The following SPICE1 variants were observed in gnomAD, a reference collection of about 807,000 sequenced individuals.
The protein encoded by SPICE1 is spindle and centriole associated protein 1.
Under a neutral mutation model 102.7 loss-of-function variants are expected in SPICE1, and 75 were observed. The ratio of observed to expected loss-of-function variants is 0.73; its 90% CI spans 0.61 to 0.88. SPICE1 has a LOEUF of 0.88. Among genes scored for constraint, SPICE1 ranks in the 40% least tolerant of loss-of-function variants. The probability of loss-of-function intolerance (pLI) is 0.00; values close to 1 mark genes in which losing one functional copy is unlikely to be tolerated. For missense variants in SPICE1, 979 were observed against 1,020.1 expected, an observed-to-expected ratio of 0.96 and a Z score of 0.55; for synonymous variants, 308 against 350.3, an observed-to-expected ratio of 0.88 and a Z score of 1.35.
Position 113,465,749 on chromosome 3 carries a change from C to T in SPICE1, c.1191G>A (p.Arg397=). The change falls in exon 11 of 18, where the codon AGG becomes AGA. Residue 397 remains arginine (R), a synonymous_variant. Transcript: ENST00000295872. The stretch of plus-strand genomic sequence containing the variant: ...CACCTAATACTTGTTCCAGTTGTTG[C>T]CTTGTCTCTACTTCTTTACGTAGCT... ...EIQLRKEVET[R]QQLEQVLGDH... 1 of 1,613,766 alleles carries T rather than the reference C, an allele frequency of 6.2e-7. No homozygotes were observed. Among genetic ancestry groups the T allele is most frequent in the East Asian group, 2.2e-5 (1 of 44,834 alleles).
chr3:113,454,800 T>C (rs1383787875), intron 13 of SPICE1, among the ~76,000 whole-genome samples: 2 of 151,934 alleles, frequency 1.3e-5, no homozygotes, highest in Non-Finnish European at 2.9e-5. Flanking sequence ...AAGTGACTGA[T>C]AAGTGGAGCC....
chr3:113,463,682 G>A (rs1559961054), intron 11 of SPICE1, among the ~76,000 whole-genome samples: 1 of 152,196 alleles, frequency 6.6e-6, no homozygotes, highest in Admixed American at 6.5e-5. Flanking sequence ...CCATTTCTAT[G>A]TAATATCTAT....
chr3:113,491,740 A>G (rs570738731), intron 6 of SPICE1, among the ~76,000 whole-genome samples: 9 of 149,572 alleles, frequency 6.0e-5, no homozygotes, highest in Non-Finnish European at 1.2e-4. Context: ...CCTCACTGCC[A>G]TTTTTCTCTG....
At chr3:113,477,881 A>G (rs563409693) in intron 7 of SPICE1, among the ~76,000 whole-genome samples, 50 of 152,080 alleles carry the variant, frequency 3.3e-4, no homozygotes, top group African/African-American at 1.1e-3. Flanking sequence ...GCACATGTAT[A>G]CATATGTAAC....
At chr3:113,507,445 T>A (rs1042785905) in intron 1 of SPICE1, among the ~76,000 whole-genome samples, 22 of 152,116 alleles carry the variant, frequency 1.4e-4, no homozygotes, top group African/African-American at 4.6e-4. Flanking sequence ...TTACTCCCAA[T>A]TAGTCTAAAA....
intron 1 of SPICE1, among the ~76,000 whole-genome samples, chr3:113,508,355 A>G (rs1371933552): frequency 2.0e-5 from 3 of 152,188 alleles, no homozygotes; most frequent in Non-Finnish European, 4.4e-5. Context: ...AATGGGAGAA[A>G]GTATCTGCAA....
intron 14 of SPICE1, among the ~76,000 whole-genome samples, chr3:113,452,122 C>T (rs11922838): frequency 0.054 from 8,223 of 152,226 alleles, 267 homozygotes; most frequent in East Asian, 0.1. Context: ...AATTTAGACT[C>T]CCTATCTCCC....
At chr3:113,493,398 T>C in intron 5 of SPICE1, 86 bp from the exon 6 acceptor site, 6 of 1,049,372 alleles carry the variant, frequency 5.7e-6, no homozygotes, top group Non-Finnish European at 8.7e-6. Flanking sequence ...GTTTGCATCA[T>C]CATATGAAAA....
rs143476887 is a variant in SPICE1, at chr3:113,446,670, G to C, written c.2433C>G (p.Ser811=). ...GAGAACAAGAATTACCAGTAGCCCC[G>C]GAAGATCTATTCATGAAAAATAAAA... The part of the protein sequence containing the change: ...PVSGINTRRS[S]GATGNSCSPL... The change falls in exon 17 of 18, where the codon TCC becomes TCG. Residue 811 remains serine (S), a synonymous_variant. Coordinates refer to ENST00000295872, the MANE Select transcript of SPICE1 (RefSeq NM_144718.4). 1 of 1,611,820 alleles carries C rather than the reference G, an allele frequency of 6.2e-7. No individual in the cohort carries two copies. The highest frequency in any genetic ancestry group is 1.3e-5 in the African/African-American group (1 of 74,974).
rs761289766 is a variant in SPICE1, at chr3:113,503,202, T to C, written c.125A>G (p.His42Arg). ...WDNTVTDLTV[H>R]RATPEDLVRR... ...CACCAGATCTTCGGGAGTTGCCCGA[T>C]GAACGGTTAGATCAGTCACGGTATT... Residue 42 changes from histidine (H) to arginine (R), a missense_variant, in exon 3 of 18, where the codon CAT (histidine) becomes CGT (arginine). Coordinates refer to ENST00000295872, the MANE Select transcript of SPICE1 (RefSeq NM_144718.4). 1.2e-6 allele frequency: 2 copies of C among 1,603,542 alleles called. No homozygotes were observed. Among genetic ancestry groups the C allele is most frequent in the Non-Finnish European group, 1.7e-6 (2 of 1,176,546 alleles).
At position 113,499,467 on chromosome 3, in the gene SPICE1, T is replaced by C; in HGVS notation, c.263A>G (p.Glu88Gly). ...CTTCATGATAGACAATCTTCTTTTC[T>C]CAAGATTTAAAGTTTCTGGTTTCTG... The part of the protein sequence containing the change: ...RKQKPETLNL[E>G]KRRLSIMKEI... Residue 88 changes from glutamate to glycine, a missense_variant, in exon 4 of 18, where the codon GAG becomes GGG. Glu to Gly is a moderately conservative substitution (Grantham distance 98). Coordinates refer to ENST00000295872, the MANE Select transcript of SPICE1 (RefSeq NM_144718.4). 6.2e-7 allele frequency: 1 copy of C among 1,613,220 alleles called. No homozygotes were observed. The highest frequency in any genetic ancestry group is 8.5e-7 in the Non-Finnish European group (1 of 1,179,774).
chr3:113,478,738 G>A (rs1267953928), intron 7 of SPICE1, among the ~76,000 whole-genome samples: 2 of 152,160 alleles, frequency 1.3e-5, no homozygotes, highest in Non-Finnish European at 2.9e-5. Context: ...AATATAATCA[G>A]TGAGGTAGAT....
At chr3:113,470,418 TG>T (rs1936168318) in intron 7 of SPICE1, among the ~76,000 whole-genome samples, 1 of 152,188 alleles carries the variant, frequency 6.6e-6, no homozygotes, top group Non-Finnish European at 1.5e-5. Context: ...ACAATAAAGA[TG>T]GGATTTTCCA....
intron 6 of SPICE1, among the ~76,000 whole-genome samples, chr3:113,492,548 G>C (rs1189939018): frequency 6.6e-6 from 1 of 152,004 alleles, no homozygotes; most frequent in East Asian, 1.9e-4. Flanking sequence ...ATAACTAGTT[G>C]ATACATTGCA....
intron 15 of SPICE1, among the ~76,000 whole-genome samples, chr3:113,448,636 A>C (rs541323778): frequency 4.6e-5 from 7 of 152,168 alleles, no homozygotes; most frequent in Non-Finnish European, 1.0e-4. Context: ...TATAATTATG[A>C]ATATTTTCCA....
Position 113,506,588 on chromosome 3 carries a change from C to G in SPICE1, c.18G>C (p.Val6=), listed in dbSNP as rs1937117304. 1.2e-6 allele frequency: 2 copies of G among 1,612,878 alleles called. No individual in the cohort carries two copies. The highest frequency in any genetic ancestry group is 1.7e-6 in the Non-Finnish European group (2 of 1,179,594). Residue 6 remains valine (V), a synonymous_variant, in exon 2 of 18, where the codon GTG becomes GTC. Coordinates refer to ENST00000295872, the MANE Select transcript of SPICE1 (RefSeq NM_144718.4). MSFVR[V]NRCGPRVGVR... is the part of the protein sequence containing the mutation. ...CACCAACTCGGGGACCACAGCGGTTCACTCTGACAAATGACATCTAGGAAT... is the reference window on the plus strand; with the variant it reads ...CACCAACTCGGGGACCACAGCGGTTGACTCTGACAAATGACATCTAGGAAT...
intron 16 of SPICE1, 72 bp downstream of exon 16, chr3:113,447,966 C>A: frequency 7.2e-7 from 1 of 1,388,604 alleles, no homozygotes; most frequent in Non-Finnish European, 9.7e-7. Context: ...CCTTTTTTCA[C>A]AAAGAGAATA....
chr3:113,481,423 T>TTTA (rs371772003), intron 7 of SPICE1, among the ~76,000 whole-genome samples: 5,171 of 151,826 alleles, frequency 0.034, 128 homozygotes, highest in East Asian at 0.1. Context: ...TAGTTTTTTT[T>TTTA]TTATTATTAT....
intron 7 of SPICE1, 92 bp from the exon 8 acceptor site, chr3:113,469,330 A>C (rs1040414849): frequency 2.8e-6 from 1 of 354,200 alleles, no homozygotes; most frequent in Non-Finnish European, 4.1e-6. Flanking sequence ...CATTTAATTT[A>C]TATTTACATT....
Sources: gnomAD v4.1 joint callset for allele counts (sites outside exome capture counted in the v4.1 genomes callset) on GRCh38, gnomAD v4.1.1 for gene constraint, MANE v1.5 for transcripts, NCBI Gene and HGNC (gene_info 2026-07-23, HGNC 2026-07-21) for gene names.